CHRM2: variants seen among roughly 807,000 people sequenced by gnomAD.
CHRM2 encodes muscarinic acetylcholine receptor M2.
In CHRM2, 8 loss-of-function variants were observed where a neutral mutation model predicts 25.0. That is an observed-to-expected ratio of 0.32 (90% CI 0.19 to 0.58). The LOEUF is 0.58. Among genes scored for constraint, CHRM2 ranks in the 20% least tolerant of loss-of-function variants. The pLI, the probability that CHRM2 is intolerant of heterozygous loss-of-function variation, is 0.88. For missense variants in CHRM2, 440 were observed against 567.1 expected (o/e 0.78, Z 2.28); for synonymous variants, 202 against 205.7 (o/e 0.98, Z 0.15).
At chr7:136,906,740 G>A (rs1339780180) in intron 2 of CHRM2, among the ~76,000 whole-genome samples, 2 of 151,590 alleles carry the variant, frequency 1.3e-5, no homozygotes, top group African/African-American at 2.4e-5. Flanking sequence ...TAAGGTCAGT[G>A]GTCCCCAACC....
At chr7:136,955,172 C>G (rs1183734277) in intron 2 of CHRM2, among the ~76,000 whole-genome samples, 2 of 152,128 alleles carry the variant, frequency 1.3e-5, no homozygotes, top group Non-Finnish European at 2.9e-5. Flanking sequence ...ATATTCACCT[C>G]TCCTCCTTCT....
chr7:136,943,342 G>T (rs1366513447), intron 2 of CHRM2, among the ~76,000 whole-genome samples: 1 of 151,912 alleles, frequency 6.6e-6, no homozygotes, highest in Non-Finnish European at 1.5e-5. Flanking sequence ...TTCCTGCTTT[G>T]CCTTTAAGCT....
intron 2 of CHRM2, among the ~76,000 whole-genome samples, chr7:136,882,865 A>G (rs888345599): frequency 2.6e-5 from 4 of 152,174 alleles, no homozygotes; most frequent in African/African-American, 9.6e-5. Flanking sequence ...ATGTTAAAAG[A>G]AATTTTAGCC....
At chr7:136,967,282 C>T (rs541197595) in intron 2 of CHRM2, among the ~76,000 whole-genome samples, 6 of 151,920 alleles carry the variant, frequency 3.9e-5, no homozygotes, top group Admixed American at 3.9e-4. Flanking sequence ...CAAAAGCTGC[C>T]CTATCCAATT....
chr7:136,893,090 GTTC>G (rs1409150394), intron 2 of CHRM2, among the ~76,000 whole-genome samples: 1 of 151,860 alleles, frequency 6.6e-6, no homozygotes, highest in African/African-American at 2.4e-5. Flanking sequence ...TCTCTCTCTT[GTTC>G]TTCTCGCTTC....
intron 2 of CHRM2, among the ~76,000 whole-genome samples, chr7:136,892,687 T>TTG (rs398006502): frequency 1.3e-5 from 2 of 150,642 alleles, no homozygotes; most frequent in Non-Finnish European, 2.9e-5. Flanking sequence ...TTTTTTTTTT[T>TTG]GATACAGGGT....
chr7:136,964,234 T>A (rs923174558), intron 2 of CHRM2, among the ~76,000 whole-genome samples: 2 of 152,082 alleles, frequency 1.3e-5, no homozygotes, highest in Non-Finnish European at 2.9e-5. Flanking sequence ...AATATATATA[T>A]ATATGTTTTT....
intron 3 of CHRM2, among the ~76,000 whole-genome samples, chr7:137,005,681 C>T (rs1030736547): frequency 6.6e-6 from 1 of 152,064 alleles, no homozygotes; most frequent in Non-Finnish European, 1.5e-5. Flanking sequence ...AAAAGGATCC[C>T]TAAAAGGATA....
chr7:136,997,068 C>A (rs1803654123), intron 3 of CHRM2, among the ~76,000 whole-genome samples: 1 of 152,198 alleles, frequency 6.6e-6, no homozygotes, highest in African/African-American at 2.4e-5. Flanking sequence ...CAAGGACTAC[C>A]AGCTGTACAG....
Position 136,917,781 on chromosome 7 carries a change from T to C in CHRM2, c.-125+48363T>C, listed in dbSNP as rs1798203869. Among the ~76,000 whole-genome samples, 4 of 152,102 alleles carry C rather than the reference T, an allele frequency of 2.6e-5. No individual in the cohort carries two copies. In the South Asian group the frequency reaches 8.3e-4, roughly 32 times the overall value. The stretch of plus-strand genomic sequence containing the variant: ...TCCTCCCATTGAGAACATTTCTCTC[T>C]TCATAACTGATTGGCCAATAGGCTT... On this transcript the variant is annotated intron_variant, in intron 2 of 3. Coordinates refer to ENST00000680005, the MANE Select transcript of CHRM2 (RefSeq NM_001006630.2).
intron 2 of CHRM2, among the ~76,000 whole-genome samples, chr7:136,930,587 C>T (rs1183057579): frequency 1.4e-4 from 4 of 28,572 alleles, no homozygotes; most frequent in Non-Finnish European, 2.1e-4. Context: ...AGTGCTTATA[C>T]GATAGGAAAA....
intron 2 of CHRM2, among the ~76,000 whole-genome samples, chr7:136,961,816 A>AAC (rs1801102958): frequency 6.6e-6 from 1 of 152,136 alleles, no homozygotes. Flanking sequence ...AGAAAACAAG[A>AAC]ACTCAGAGGA....
intron 2 of CHRM2, among the ~76,000 whole-genome samples, chr7:136,946,079 C>T (rs900575710): frequency 6.6e-6 from 1 of 152,014 alleles, no homozygotes; most frequent in Admixed American, 6.6e-5. Context: ...TCATGAAAAT[C>T]ATTCAATTCT....
At chr7:136,935,605 G>T (rs906944336) in intron 2 of CHRM2, among the ~76,000 whole-genome samples, 3 of 152,170 alleles carry the variant, frequency 2.0e-5, no homozygotes, top group Admixed American at 6.5e-5. Context: ...CATACTGTTT[G>T]ATTAAGTGGC....
chr7:136,949,857 G>C (rs1462387369), intron 2 of CHRM2, among the ~76,000 whole-genome samples: 2 of 151,746 alleles, frequency 1.3e-5, no homozygotes, highest in African/African-American at 4.8e-5. Context: ...CAAACATAAT[G>C]GTTTTTCTAT....
intron 2 of CHRM2, among the ~76,000 whole-genome samples, chr7:136,905,257 T>G: frequency 6.6e-6 from 1 of 151,828 alleles, no homozygotes; most frequent in East Asian, 1.9e-4. Context: ...TTTGGATAAC[T>G]GAAGATCATT....
In CHRM2 at chr7:136,991,495, T is replaced by C. The variant is rs957330892; in HGVS notation, c.-124-692T>C. 2.6e-5 allele frequency among the ~76,000 whole-genome samples: 4 copies of C among 152,248 alleles called. No homozygotes were observed. The East Asian group carries it at 7.7e-4, about 29-fold the overall frequency. Reference sequence around the variant, plus strand: ...CTATTATGTTCCCTTGATATATTTGTCTATTATTTTGCCAATACCAAACTG... The same window carrying C: ...CTATTATGTTCCCTTGATATATTTGCCTATTATTTTGCCAATACCAAACTG... On this transcript the variant is annotated intron_variant, in intron 2 of 3. Transcript: ENST00000680005.
At chr7:136,920,690 A>AGATT (rs1324370741) in intron 2 of CHRM2, among the ~76,000 whole-genome samples, 2 of 152,120 alleles carry the variant, frequency 1.3e-5, no homozygotes, top group Admixed American at 1.3e-4. Flanking sequence ...TAGCCACCTT[A>AGATT]AGCTCATCAC....
intron 2 of CHRM2, among the ~76,000 whole-genome samples, chr7:136,886,411 A>T (rs556146077): frequency 1.4e-4 from 22 of 152,316 alleles, no homozygotes; most frequent in African/African-American, 5.3e-4. Flanking sequence ...AATTTACACC[A>T]TTGCTTTCTG....
Sources: gnomAD v4.1 joint callset for allele counts (sites outside exome capture counted in the v4.1 genomes callset) on GRCh38, gnomAD v4.1.1 for gene constraint, MANE v1.5 for transcripts, NCBI Gene and HGNC (gene_info 2026-07-23, HGNC 2026-07-21) for gene names.